The following CHD2 variants were observed in gnomAD, a reference collection of about 807,000 sequenced individuals.
CHD2 encodes ATP-dependent chromatin remodeler CHD2.
Under a neutral mutation model 243.9 loss-of-function variants are expected in CHD2, and 28 were observed. The observed-to-expected ratio is 0.11, with a 90% CI of 0.09 to 0.16. The LOEUF is 0.16. Ranked by LOEUF, CHD2 falls within the 10% of genes least tolerant of loss-of-function variation. The pLI, the probability that CHD2 is intolerant of heterozygous loss-of-function variation, is 1.00. For synonymous variants in CHD2, 775 were observed against 779.0 expected, an observed-to-expected ratio of 0.99 and a Z score of 0.09; for missense variants, 1,386 against 2,209.8, an observed-to-expected ratio of 0.63 and a Z score of 7.47.
intron 13 of CHD2, among the ~76,000 whole-genome samples, chr15:92,952,858 A>T (rs1485153038): frequency 6.6e-6 from 1 of 152,182 alleles, no homozygotes; most frequent in Non-Finnish European, 1.5e-5. Flanking sequence ...TTTAGACCAA[A>T]GTGTATTTAA....
chr15:92,901,667 T>C, intron 2 of CHD2: 1 of 372,902 alleles, frequency 2.7e-6, no homozygotes, highest in Non-Finnish European at 4.7e-6. Flanking sequence ...CCATTTTACA[T>C]ACAAGGCAAA....
At chr15:92,994,241 G>T (rs1190793269) in intron 28 of CHD2, among the ~76,000 whole-genome samples, 1 of 152,170 alleles carries the variant, frequency 6.6e-6, no homozygotes, top group Non-Finnish European at 1.5e-5. Flanking sequence ...TTGCAAAATA[G>T]AGTAATAGTA....
At chr15:92,911,007 C>T (rs1304109474) in intron 2 of CHD2, among the ~76,000 whole-genome samples, 4 of 152,146 alleles carry the variant, frequency 2.6e-5, no homozygotes, top group African/African-American at 4.8e-5. Flanking sequence ...ATTTGTGTAT[C>T]TAAACAGAAA....
rs760631104 is a variant in CHD2 at position 92,945,815 on chromosome 15, GT to G, written c.1154-3del. ...AACTTTTCTGTCTTATTTTTTATTTGTTTAGCTGTGAAGACAAGTAAATCTA... is the reference window on the plus strand; with the variant it reads ...AACTTTTCTGTCTTATTTTTTATTTGTTAGCTGTGAAGACAAGTAAATCTA... On this transcript the variant is annotated splice_polypyrimidine_tract_variant and splice_region_variant and intron_variant, in intron 10 of 38. Coordinates refer to ENST00000394196, the MANE Select transcript of CHD2 (RefSeq NM_001271.4). 4.6e-6 allele frequency: 7 copies of G among 1,520,686 alleles called. No homozygotes were observed. Among genetic ancestry groups the G allele is most frequent in the Non-Finnish European group, 5.3e-6 (6 of 1,127,374 alleles). The allele number at this position is 1,520,686 out of a possible 1,614,324, so 94.2% of individuals were successfully genotyped here.
chr15:93,017,458 T>A (rs1455161156), intron 37 of CHD2, among the ~76,000 whole-genome samples: 1 of 151,096 alleles, frequency 6.6e-6, no homozygotes, highest in Admixed American at 6.6e-5. Context: ...CCCAAGTAGC[T>A]GGGATTACAG....
intron 28 of CHD2, 126 bp downstream of exon 28, chr15:92,993,124 C>G: frequency 2.1e-6 from 2 of 964,948 alleles, no homozygotes; most frequent in Admixed American, 2.3e-5. Context: ...GGTGTTTATT[C>G]TGAGCTGCGT....
At chr15:92,947,493 C>T (rs943585329) in intron 12 of CHD2, 5 of 152,156 alleles carry the variant, frequency 3.3e-5, no homozygotes, top group East Asian at 1.9e-4. Flanking sequence ...TTGGCTACCT[C>T]GAAGGGTATT....
At chr15:92,920,750 A>G (rs2052939379) in intron 2 of CHD2, among the ~76,000 whole-genome samples, 1 of 152,226 alleles carries the variant, frequency 6.6e-6, no homozygotes, top group African/African-American at 2.4e-5. Flanking sequence ...GGAGTTAAAC[A>G]TTATAGTAGT....
At chr15:92,939,752 G>C (rs772194572) in intron 7 of CHD2, 34 bp downstream of exon 7, 1 of 1,600,330 alleles carries the variant, frequency 6.2e-7, no homozygotes, top group South Asian at 1.1e-5. Flanking sequence ...TCACTGGTGT[G>C]ATGTGATAAA....
rs774499071 is a variant in CHD2 at position 93,020,121 on chromosome 15, C to T, written c.5016C>T (p.Asp1672=). Residue 1672 remains aspartate (D), a synonymous_variant, in exon 38 of 39, where the codon GAC becomes GAT. Coordinates refer to ENST00000394196, the MANE Select transcript of CHD2 (RefSeq NM_001271.4). ...HHQYEQHWYK[D]HHYGDRRHMD... Reference sequence around the variant, plus strand: ...AGTATGAGCAGCACTGGTACAAGGACCACCATTATGGGGACCGGCGACATA... The same window carrying T: ...AGTATGAGCAGCACTGGTACAAGGATCACCATTATGGGGACCGGCGACATA... The T allele has an allele frequency of 1.1e-5, 17 of 1,614,100 alleles. No homozygotes were observed. The highest frequency in any genetic ancestry group is 1.4e-5 in the Non-Finnish European group (17 of 1,180,024).
At position 93,013,725 on chromosome 15, in the gene CHD2, G is replaced by A. The variant is rs139700560; in HGVS notation, c.4693-971G>A. On this transcript the variant is annotated intron_variant, in intron 36 of 38. Coordinates refer to ENST00000394196, the MANE Select transcript of CHD2 (RefSeq NM_001271.4). ...TGAGGCGGGTGGATCACTTGAGGCCGAGAGTTCGAGACCAGCCTGGCCAAC... is the reference window on the plus strand; with the variant it reads ...TGAGGCGGGTGGATCACTTGAGGCCAAGAGTTCGAGACCAGCCTGGCCAAC... Among the ~76,000 whole-genome samples, 1,250 of 151,984 alleles carry A rather than the reference G, an allele frequency of 8.2e-3. 53 individuals are homozygous for A. Among genetic ancestry groups the A allele is most frequent in the Admixed American group, 0.07 (1,072 of 15,278 alleles).
chr15:93,002,159 C>T lies in CHD2; in HGVS notation c.4138-18C>T, dbSNP rs775111839. 6.4e-6 allele frequency: 10 copies of T among 1,574,310 alleles called. No individual in the cohort carries two copies. In the Admixed American group the frequency reaches 1.9e-4, roughly 30 times the overall value. On this transcript the variant is annotated intron_variant, in intron 32 of 38. Coordinates refer to ENST00000394196, the MANE Select transcript of CHD2 (RefSeq NM_001271.4). ...TAAAATTTGTAGCAAAAATTCATAG[C>T]CCTGTTTTGTTTCCTAGGATGATGG...
chr15:92,961,728 A>C (rs1228393235), intron 16 of CHD2, among the ~76,000 whole-genome samples: 2 of 152,146 alleles, frequency 1.3e-5, no homozygotes, highest in Non-Finnish European at 2.9e-5. Flanking sequence ...TTTAAGGATC[A>C]ATAGTGATTA....
rs536322045 is a variant in CHD2, at chr15:92,984,668, A to C, written c.3237+168A>C. Among the ~76,000 whole-genome samples the C allele has an allele frequency of 7.2e-5, 11 of 152,226 alleles. 1 individual carries two copies. Among genetic ancestry groups the C allele is most frequent in the Non-Finnish European group, 2.9e-5 (2 of 68,036 alleles). On this transcript the variant is annotated intron_variant, in intron 25 of 38. Transcript: ENST00000394196. The stretch of plus-strand genomic sequence containing the variant: ...CAAAGGAAAGTGGAGAAATCTGCAG[A>C]GCTCCTGAGCACACCTGTGAGACAT...
intron 37 of CHD2, 60 bp downstream of exon 37, chr15:93,014,969 G>GT (rs1385087857): frequency 4.3e-6 from 6 of 1,393,562 alleles, no homozygotes; most frequent in Admixed American, 3.5e-5. Context: ...TCACACAGCC[G>GT]TTTCATTTTC....
In CHD2 at chr15:92,998,874, G is replaced by C. The variant is rs1347346922; in HGVS notation, c.4008+253G>C. Among the ~76,000 whole-genome samples, 1 of 151,994 alleles carries C rather than the reference G, an allele frequency of 6.6e-6. No individual in the cohort carries two copies. Among genetic ancestry groups the C allele is most frequent in the Non-Finnish European group, 1.5e-5 (1 of 67,978 alleles). ...TGAGGCGGGCGGATCACAAGGTCAG[G>C]AGATTGAGACCATCCTGGCTAATAT... is the stretch of plus-strand genomic sequence containing the variant. On this transcript the variant is annotated intron_variant, in intron 31 of 38. Coordinates refer to ENST00000394196, the MANE Select transcript of CHD2 (RefSeq NM_001271.4). This position sits in a 1 kb window ranked among gnomAD's most constrained non-coding sequence, Gnocchi z 5.1.
chr15:92,946,805 A>G (rs1017297233), intron 12 of CHD2: 3 of 152,324 alleles, frequency 2.0e-5, no homozygotes, highest in African/African-American at 7.2e-5. Context: ...GGCACTTTAA[A>G]AGAGAAGTGA....
chr15:93,026,033 A>G lies in CHD2; in HGVS notation c.*1328A>G, dbSNP rs985491826. ...GTGACTTGAGCTATAGATAGTAAAA[A>G]TCATACGAGAGTTGAACTGAGTCAG... On this transcript the variant is annotated 3_prime_UTR_variant, in exon 39 of 39. Coordinates refer to ENST00000394196, the MANE Select transcript of CHD2 (RefSeq NM_001271.4). 1 of 152,694 alleles carries G rather than the reference A, an allele frequency of 6.5e-6. No individual in the cohort carries two copies. The highest frequency in any genetic ancestry group is 1.5e-5 in the Non-Finnish European group (1 of 68,050). 9.5% of individuals were successfully genotyped at this position (152,694 alleles called of 1,614,324 possible).
Position 92,981,419 on chromosome 15 carries a change from T to C in CHD2, c.3028T>C (p.Ser1010Pro), listed in dbSNP as rs1555443122. 6.2e-7 allele frequency: 1 copy of C among 1,613,846 alleles called. No homozygotes were observed. The highest frequency in any genetic ancestry group is 8.5e-7 in the Non-Finnish European group (1 of 1,179,766). ...GGCTGAAACGAGAGAGAATGAAGTG[T>C]CAACAAGTGCAACAGATGAACTTCT... Reference protein sequence around the residue: ...RLAETRENEVSTSATDELLSQ... With the variant: ...RLAETRENEVPTSATDELLSQ... The change falls in exon 24 of 39, where the codon TCA becomes CCA. Residue 1010 changes from serine (S) to proline (P), a missense_variant. Around this residue, in one of 19 missense-constraint regions of CHD2, gnomAD observed 99 missense variants for 206.4 expected, o/e 0.48. Coordinates refer to ENST00000394196, the MANE Select transcript of CHD2 (RefSeq NM_001271.4).
Sources: allele counts gnomAD v4.1 joint callset (sites outside exome capture counted in the v4.1 genomes callset), GRCh38; gene constraint gnomAD v4.1.1; regional missense constraint gnomAD v4.1.1; non-coding constraint Gnocchi (gnomAD v3.1); transcripts MANE v1.5; gene names NCBI Gene and HGNC (gene_info 2026-07-23, HGNC 2026-07-21).